BOD1: variants seen among roughly 807,000 people sequenced by gnomAD.
BOD1 encodes the protein biorientation of chromosomes in cell division protein 1.
In BOD1, 11 loss-of-function variants were observed where a neutral mutation model predicts 15.7. The observed-to-expected ratio is 0.70, with a 90% CI of 0.44 to 1.16. The LOEUF is 1.16. BOD1 is among the 50% of genes most tolerant of loss of function. The pLI, the probability that BOD1 is intolerant of heterozygous loss-of-function variation, is 0.00. For missense variants in BOD1, 182 were observed against 244.5 expected (o/e 0.74, Z 1.70); for synonymous variants, 105 against 103.5 (o/e 1.01, Z -0.09).
rs781258099 is a variant in BOD1 at position 173,609,032 on chromosome 5, G to A, written c.*1+206C>T. On this transcript the variant is annotated intron_variant, in intron 3 of 3. Transcript: ENST00000311086. ...TCTATCCATAGCTTACATGTTTAGC[G>A]CTGGTGGAACAGAAAATCAGTCACT... Among the ~76,000 whole-genome samples, 12 of 152,314 alleles carry A rather than the reference G, an allele frequency of 7.9e-5. 1 individual carries two copies. Among genetic ancestry groups the A allele is most frequent in the South Asian group, 4.1e-4 (2 of 4,824 alleles).
intron 2 of BOD1, among the ~76,000 whole-genome samples, chr5:173,610,272 C>T (rs1193582859): frequency 1.1e-4 from 16 of 152,158 alleles, no homozygotes; most frequent in Admixed American, 1.0e-3. Context: ...ACTTATTTTC[C>T]CGTAGACTTG....
chr5:173,609,320 G>A lies in BOD1; in HGVS notation c.477C>T (p.Ala159=). Residue 159 remains alanine (A), a synonymous_variant, in exon 3 of 4, where the codon GCC becomes GCT. Coordinates refer to ENST00000311086, the MANE Select transcript of BOD1 (RefSeq NM_138369.3). ...GTGCTGGCACAGCTGCTTTTTTCTG[G>A]GCCGCCAGGAACTCATGAATTGCTC... is the stretch of plus-strand genomic sequence containing the variant. The part of the protein sequence containing the change: ...IERAIHEFLA[A]QKKAAVPAPP... The A allele has an allele frequency of 6.2e-7, 1 of 1,614,180 alleles. No homozygotes were observed.
chr5:173,616,096 T>G, intron 1 of BOD1, 104 bp downstream of exon 1: 1 of 1,435,956 alleles, frequency 7.0e-7, no homozygotes, highest in Non-Finnish European at 9.4e-7. Context: ...CGCTGAGATT[T>G]CTAAGCTATC....
At position 173,608,030 on chromosome 5, in the gene BOD1, T is replaced by C. The variant is rs544818838; in HGVS notation, c.*264A>G. ...GTTTCAGGACAACCCTGGGTTGCTG[T>C]AGTGTTTCTCTCTCTGTAGTGTCTA... On this transcript the variant is annotated 3_prime_UTR_variant, in exon 4 of 4. Coordinates refer to ENST00000311086, the MANE Select transcript of BOD1 (RefSeq NM_138369.3). 1.9e-5 allele frequency: 10 copies of C among 536,302 alleles called. No homozygotes were observed. In the South Asian group the frequency reaches 2.4e-4, roughly 13 times the overall value. The allele number at this position is 536,302 out of a possible 1,614,324, so 33.2% of individuals were successfully genotyped here. A position where few individuals can be genotyped will look rare whatever the true frequency, so the allele number is the denominator to read the frequency against.
In BOD1 at chr5:173,616,411, C is replaced by A. The variant is rs1442565790; in HGVS notation, c.26G>T (p.Gly9Val). The change falls in exon 1 of 4, where the codon GGA becomes GTA. Residue 9 changes from glycine to valine, a missense_variant. This residue lies in a region of BOD1 where 72 missense variants were observed against 68.9 expected (regional missense o/e 1.05). Coordinates refer to ENST00000311086, the MANE Select transcript of BOD1 (RefSeq NM_138369.3). ...TCCGCCGCCGCCCACCGCGCCAGTT[C>A]CCCCGCCGCCGCCGCCGTCCGCCAT... MADGGGGG[G>V]TGAVGGGGTS... 2.6e-6 allele frequency: 4 copies of A among 1,536,962 alleles called. No homozygotes were observed. Among genetic ancestry groups the A allele is most frequent in the East Asian group, 2.5e-5 (1 of 39,580 alleles).
At chr5:173,610,321 G>T (rs1755315801) in intron 2 of BOD1, among the ~76,000 whole-genome samples, 1 of 152,206 alleles carries the variant, frequency 6.6e-6, no homozygotes, top group South Asian at 2.1e-4. Flanking sequence ...GTAAAAATAG[G>T]CTGGGCAGCA....
At position 173,608,133 on chromosome 5, in the gene BOD1, C is replaced by T. The variant is rs529701409; in HGVS notation, c.*161G>A. 2.9e-5 allele frequency: 18 copies of T among 616,962 alleles called. No homozygotes were observed. Among genetic ancestry groups the T allele is most frequent in the Admixed American group, 2.4e-4 (9 of 37,742 alleles). The allele number at this position is 616,962 out of a possible 1,614,324, so 38.2% of individuals were successfully genotyped here. On this transcript the variant is annotated 3_prime_UTR_variant, in exon 4 of 4. Transcript: ENST00000311086. ...GTGACACGGTCAACTCTCCCACTGCCGAACTTGCTCCCCTTTCAATCTGGT... is the reference window on the plus strand; with the variant it reads ...GTGACACGGTCAACTCTCCCACTGCTGAACTTGCTCCCCTTTCAATCTGGT...
chr5:173,609,090 TA>T, intron 3 of BOD1, 147 bp downstream of exon 3: 1 of 877,940 alleles, frequency 1.1e-6, no homozygotes, highest in South Asian at 2.0e-5. Context: ...TAGTTCTCAG[TA>T]AAAAGTGACT....
chr5:173,613,049 G>A, intron 2 of BOD1, 82 bp downstream of exon 2: 1 of 1,507,320 alleles, frequency 6.6e-7, no homozygotes, highest in Non-Finnish European at 9.0e-7. Context: ...CATCAACCTT[G>A]ACTAAACAGA....
rs548238064 is a variant in BOD1 at position 173,616,348 on chromosome 5, G to C, written c.89C>G (p.Thr30Ser). 2 of 1,527,632 alleles carry C rather than the reference G, an allele frequency of 1.3e-6. No homozygotes were observed. Among genetic ancestry groups the C allele is most frequent in the Admixed American group, 2.0e-5 (1 of 50,438 alleles). 94.6% of individuals were successfully genotyped at this position (1,527,632 alleles called of 1,614,324 possible). A position where few individuals can be genotyped will look rare whatever the true frequency, so the allele number is the denominator to read the frequency against. The change falls in exon 1 of 4, where the codon ACT (threonine) becomes AGT (serine). Residue 30 changes from threonine to serine, a missense_variant. Thr to Ser is a moderately conservative substitution (Grantham distance 58). Coordinates refer to ENST00000311086, the MANE Select transcript of BOD1 (RefSeq NM_138369.3). ...QASAGAATGA[T>S]GASGGGGPIN... ...GGGGCCACCGCCCCCGCTGGCCCCA[G>C]TAGCGCCAGTCGCTGCCCCGGCAGA... is the stretch of plus-strand genomic sequence containing the variant.
chr5:173,612,595 T>G (rs13357157), intron 2 of BOD1, among the ~76,000 whole-genome samples: 9,577 of 152,304 alleles, frequency 0.063, 354 homozygotes, highest in Middle Eastern at 0.095. Flanking sequence ...CTTTTGTGCG[T>G]CACTCAGATA....
intron 2 of BOD1, chr5:173,609,734 C>G (rs951213229): frequency 9.3e-6 from 3 of 321,044 alleles, no homozygotes; most frequent in Non-Finnish European, 1.7e-5. Context: ...CAAATGACAG[C>G]ATGGTGAGAA....
At position 173,616,195 on chromosome 5, in the gene BOD1, G is replaced by A; in HGVS notation, c.237+5C>T. The A allele has an allele frequency of 6.3e-7, 1 of 1,576,086 alleles. No homozygotes were observed. Among genetic ancestry groups the A allele is most frequent in the South Asian group, 1.2e-5 (1 of 86,268 alleles). Reference sequence around the variant, plus strand: ...GCTCCCCAACGCCCAGGCGGCCGCAGCTACCTTGGTGTCCACGTCGGCCAG... The same window carrying A: ...GCTCCCCAACGCCCAGGCGGCCGCAACTACCTTGGTGTCCACGTCGGCCAG... On this transcript the variant is annotated splice_donor_5th_base_variant and intron_variant, in intron 1 of 3. Transcript: ENST00000311086.
At chr5:173,608,841 C>T (rs968148085) in intron 3 of BOD1, among the ~76,000 whole-genome samples, 1 of 152,204 alleles carries the variant, frequency 6.6e-6, no homozygotes, top group African/African-American at 2.4e-5. Flanking sequence ...CTCTGAATCC[C>T]ATTTAGGATA....
intron 1 of BOD1, among the ~76,000 whole-genome samples, chr5:173,615,871 C>T (rs1050812561): frequency 1.3e-5 from 2 of 152,138 alleles, no homozygotes; most frequent in African/African-American, 2.4e-5. Flanking sequence ...AGCACGCTTG[C>T]TTATCTACTT....
At chr5:173,609,488 T>A (rs567873473) in intron 2 of BOD1, 54 bp from the exon 3 acceptor site, 1 of 1,432,740 alleles carries the variant, frequency 7.0e-7, no homozygotes, top group Non-Finnish European at 9.4e-7. Context: ...GATTCATCTT[T>A]AGCCCCAATA....
rs1192434309 is a variant in BOD1, at chr5:173,609,261, G to A, written c.536C>T (p.Ala179Val). The change falls in exon 3 of 4, where the codon GCT (alanine) becomes GTT (valine). Residue 179 changes from alanine (A) to valine (V), a missense_variant. Ala to Val is a moderately conservative substitution (Grantham distance 64). This residue lies in a region of BOD1 where 40 missense variants were observed against 45.3 expected (regional missense o/e 0.88). Coordinates refer to ENST00000311086, the MANE Select transcript of BOD1 (RefSeq NM_138369.3). The part of the protein sequence containing the change: ...PPEPEGQDPP[A>V]PSQDTS ...ACCTTAGGAAGTGTCCTGAGATGGA[G>A]CTGGAGGGTCCTGGCCTTCGGGCTC... 6.2e-7 allele frequency: 1 copy of A among 1,614,144 alleles called. No individual in the cohort carries two copies. Among genetic ancestry groups the A allele is most frequent in the Admixed American group, 1.7e-5 (1 of 60,020 alleles).
At chr5:173,615,096 G>C (rs757237704) in intron 1 of BOD1, among the ~76,000 whole-genome samples, 6 of 152,218 alleles carry the variant, frequency 3.9e-5, no homozygotes, top group South Asian at 2.1e-4. Flanking sequence ...TGTCAATACA[G>C]ATCTGGGATG....
In BOD1 at chr5:173,616,616, G is replaced by A; in HGVS notation, c.-180C>T. ...GGCGGCGGCGGCGAAGGCCCCCTCT[G>A]ATACAGCAGAGGTTGTGGTGGACGC... is the stretch of plus-strand genomic sequence containing the variant. On this transcript the variant is annotated 5_prime_UTR_variant, in exon 1 of 4. Transcript: ENST00000311086. 2 of 1,343,204 alleles carry A rather than the reference G, an allele frequency of 1.5e-6. No homozygotes were observed. The highest frequency in any genetic ancestry group is 6.3e-5 in the East Asian group (2 of 31,876). 83.2% of individuals were successfully genotyped at this position (1,343,204 alleles called of 1,614,324 possible). A position where few individuals can be genotyped will look rare whatever the true frequency, so the allele number is the denominator to read the frequency against.
Sources: allele counts gnomAD v4.1 joint callset (sites outside exome capture counted in the v4.1 genomes callset), GRCh38; gene constraint gnomAD v4.1.1; regional missense constraint gnomAD v4.1.1; transcripts MANE v1.5; gene names NCBI Gene and HGNC (gene_info 2026-07-23, HGNC 2026-07-21).